The following DOCK1 variants were observed in gnomAD, a reference collection of about 807,000 sequenced individuals.
DOCK1 encodes dedicator of cytokinesis protein 1.
A neutral mutation model predicts 262.7 loss-of-function variants in DOCK1; 138 were observed. The observed-to-expected ratio is 0.53, with a 90% CI of 0.46 to 0.61. The LOEUF (loss-of-function observed/expected upper bound fraction) is 0.61, where lower values mean the gene tolerates loss of function less well. DOCK1 is among the 20% of genes least tolerant of loss of function. The pLI is 0.00. For synonymous variants in DOCK1, 866 were observed against 867.4 expected (o/e 1.00, Z 0.03); for missense variants, 1,908 against 2,370.7 (o/e 0.80, Z 4.05).
chr10:127,402,672 G>A (rs1201070208), intron 38 of DOCK1: 3 of 522,682 alleles, frequency 5.7e-6, no homozygotes, highest in South Asian at 4.2e-5. Context: ...TACATAAATG[G>A]CACCCCACAG....
chr10:126,942,074 G>T (rs1215717778), intron 1 of DOCK1, among the ~76,000 whole-genome samples: 3 of 151,892 alleles, frequency 2.0e-5, no homozygotes, highest in Non-Finnish European at 4.4e-5. Flanking sequence ...GCCCAGGCTG[G>T]AGTGCAGTGG....
chr10:126,908,938 C>T (rs534734276), intron 1 of DOCK1, among the ~76,000 whole-genome samples: 2 of 152,338 alleles, frequency 1.3e-5, no homozygotes, highest in South Asian at 2.1e-4. Flanking sequence ...CACTCACTCA[C>T]ATCTCAACAA....
chr10:127,026,244 C>A, intron 15 of DOCK1, 108 bp from the exon 16 acceptor site: 1 of 1,074,298 alleles, frequency 9.3e-7, no homozygotes, highest in Non-Finnish European at 1.4e-6. Context: ...ATTTTCACCA[C>A]TGCAGTTAGA....
At chr10:127,181,744 C>G (rs2055755788) in intron 27 of DOCK1, among the ~76,000 whole-genome samples, 2 of 152,198 alleles carry the variant, frequency 1.3e-5, no homozygotes, top group South Asian at 4.1e-4. Flanking sequence ...TCACCACCGG[C>G]TTCCACCGGA....
intron 18 of DOCK1, among the ~76,000 whole-genome samples, chr10:127,037,303 A>G (rs935280669): frequency 1.3e-5 from 2 of 151,670 alleles, no homozygotes; most frequent in African/African-American, 4.9e-5. Flanking sequence ...TTTTATTTAT[A>G]TTATCTATAA....
intron 47 of DOCK1, among the ~76,000 whole-genome samples, chr10:127,429,717 C>T (rs1469827097): frequency 6.6e-6 from 1 of 152,168 alleles, no homozygotes; most frequent in East Asian, 1.9e-4. Flanking sequence ...TGCAGCCCAG[C>T]TTCTCCTGAC....
At chr10:127,403,436 C>T (rs1003841383) in intron 39 of DOCK1, among the ~76,000 whole-genome samples, 1 of 152,200 alleles carries the variant, frequency 6.6e-6, no homozygotes, top group Non-Finnish European at 1.5e-5. Flanking sequence ...CTTGACAGCC[C>T]AGGAGTCTGT....
intron 27 of DOCK1, among the ~76,000 whole-genome samples, chr10:127,209,328 A>G (rs547389257): frequency 6.6e-6 from 1 of 152,340 alleles, no homozygotes; most frequent in East Asian, 1.9e-4. Flanking sequence ...TTGGATTTTC[A>G]TAAAATAAAG....
intron 2 of DOCK1, among the ~76,000 whole-genome samples, chr10:126,975,754 A>G (rs1176295071): frequency 6.7e-6 from 1 of 149,738 alleles, no homozygotes; most frequent in African/African-American, 2.5e-5. Context: ...AGTACCTGGT[A>G]TTACAGGTGC....
chr10:127,217,687 T>C (rs557391969), intron 27 of DOCK1, among the ~76,000 whole-genome samples: 185 of 152,342 alleles, frequency 1.2e-3, no homozygotes, highest in African/African-American at 4.3e-3. Context: ...GTTGTCTATA[T>C]GCTAGTAACA....
chr10:127,378,071 C>A (rs548214189), intron 35 of DOCK1, among the ~76,000 whole-genome samples: 4 of 152,230 alleles, frequency 2.6e-5, no homozygotes, highest in South Asian at 4.1e-4. Context: ...AATCGAGCAT[C>A]TTTAATTATT....
At chr10:127,147,405 G>C (rs1289075650) in intron 27 of DOCK1, among the ~76,000 whole-genome samples, 1 of 152,138 alleles carries the variant, frequency 6.6e-6, no homozygotes, top group African/African-American at 2.4e-5. Flanking sequence ...CGATTATCTT[G>C]TTTTCTTTGG....
intron 27 of DOCK1, among the ~76,000 whole-genome samples, chr10:127,209,547 C>T (rs2057878533): frequency 1.3e-5 from 2 of 152,086 alleles, no homozygotes; most frequent in Non-Finnish European, 2.9e-5. Context: ...ACAGTACAGC[C>T]CTGGGGTGTA....
chr10:127,175,081 C>T lies in DOCK1; in HGVS notation c.2847+47317C>T, dbSNP rs553827459. On this transcript the variant is annotated intron_variant, in intron 27 of 51. Transcript: ENST00000623213. This position sits in a 1 kb window ranked among gnomAD's most constrained non-coding sequence, Gnocchi z 6.3. ...ATCTGCGACCCCTTGGAGCTCGCCACGCCCTTAGACTATGACCTGTTTACG... is the reference window on the plus strand; with the variant it reads ...ATCTGCGACCCCTTGGAGCTCGCCATGCCCTTAGACTATGACCTGTTTACG... 27 of 776,398 alleles carry T rather than the reference C, an allele frequency of 3.5e-5. No individual in the cohort carries two copies. The highest frequency in any genetic ancestry group is 3.1e-4 in the Middle Eastern group (1 of 3,246). The allele number at this position is 776,398 out of a possible 1,614,324, so 48.1% of individuals were successfully genotyped here. A position where few individuals can be genotyped will look rare whatever the true frequency, so the allele number is the denominator to read the frequency against.
intron 23 of DOCK1, among the ~76,000 whole-genome samples, chr10:127,095,373 C>T (rs1223183556): frequency 6.6e-6 from 1 of 152,206 alleles, no homozygotes; most frequent in Non-Finnish European, 1.5e-5. Flanking sequence ...ACATTTTCTT[C>T]TGTTCTCCTG....
chr10:127,308,445 T>A (rs147142235), intron 29 of DOCK1, among the ~76,000 whole-genome samples: 15 of 152,330 alleles, frequency 9.8e-5, no homozygotes, highest in Non-Finnish European at 1.9e-4. Context: ...TACTTTAAGT[T>A]CCTGGATACA....
chr10:127,419,595 C>A, intron 45 of DOCK1, 71 bp from the exon 46 acceptor site: 1 of 1,416,374 alleles, frequency 7.1e-7, no homozygotes, highest in Non-Finnish European at 9.8e-7. Context: ...CAGGGCCTGG[C>A]ACACAGTAAG....
chr10:127,290,687 C>G (rs1174198544), intron 29 of DOCK1, among the ~76,000 whole-genome samples: 2 of 152,176 alleles, frequency 1.3e-5, no homozygotes, highest in Non-Finnish European at 2.9e-5. Context: ...AGTAGGTAAC[C>G]TTTTGAGACT....
intron 10 of DOCK1, among the ~76,000 whole-genome samples, chr10:127,006,782 G>A (rs563678185): frequency 6.6e-6 from 1 of 152,092 alleles, no homozygotes; most frequent in South Asian, 2.1e-4. Context: ...TGTGGCAAGG[G>A]AGTCCCATGG....
Sources: gnomAD v4.1 joint callset for allele counts (sites outside exome capture counted in the v4.1 genomes callset) on GRCh38, gnomAD v4.1.1 for gene constraint, Gnocchi (gnomAD v3.1) non-coding constraint, MANE v1.5 for transcripts, NCBI Gene and HGNC (gene_info 2026-07-23, HGNC 2026-07-21) for gene names.